CACNA1A: variants seen among roughly 807,000 people sequenced by gnomAD.
The protein encoded by CACNA1A is calcium voltage-gated channel subunit alpha1 A, also known as voltage-dependent P/Q-type calcium channel subunit alpha-1A.
CACNA1A carries 57 observed loss-of-function variants against 262.4 expected under a neutral mutation model. That is an observed-to-expected ratio of 0.22 (90% CI 0.18 to 0.27). The LOEUF is 0.27. CACNA1A is among the 10% of genes least tolerant of loss of function. CACNA1A has a pLI of 1.00. For synonymous variants in CACNA1A, 1,431 were observed against 1,419.3 expected (o/e 1.01, Z -0.18); for missense variants, 2,526 against 3,562.8 (o/e 0.71, Z 7.41).
At chr19:13,240,933 G>A (rs1174494705) in intron 31 of CACNA1A, among the ~76,000 whole-genome samples, 1 of 152,270 alleles carries the variant, frequency 6.6e-6, no homozygotes, top group African/African-American at 2.4e-5. Context: ...TGGCACTTCT[G>A]AGTTCCTCTG....
intron 6 of CACNA1A, among the ~76,000 whole-genome samples, chr19:13,356,629 G>C (rs534893582): frequency 6.6e-6 from 1 of 152,252 alleles, no homozygotes; most frequent in African/African-American, 2.4e-5. Context: ...GCTTTCTCTG[G>C]TCATCCAACC....
intron 3 of CACNA1A, among the ~76,000 whole-genome samples, chr19:13,406,466 TATATATATATATATATATATATA>T (rs2060006911): frequency 1.5e-4 from 1 of 6,712 alleles, no homozygotes; most frequent in African/African-American, 3.4e-4. Flanking sequence ...AAAAAAAAAT[TATATATATATATATATATATATA>T]TATATATATA....
At chr19:13,429,579 G>GC (rs1189347478) in intron 3 of CACNA1A, among the ~76,000 whole-genome samples, 2 of 149,680 alleles carry the variant, frequency 1.3e-5, no homozygotes, top group Non-Finnish European at 3.0e-5. Flanking sequence ...ACCTCTAAGG[G>GC]CCCCAGTGGG....
At chr19:13,362,895 G>A (rs2144509133) in intron 5 of CACNA1A, 1 of 152,554 alleles carries the variant, frequency 6.6e-6, no homozygotes, top group Non-Finnish European at 1.5e-5. Flanking sequence ...TCTATCTTTA[G>A]CAGCTTTGCA....
intron 1 of CACNA1A, among the ~76,000 whole-genome samples, chr19:13,463,317 G>A (rs1363345): frequency 0.41 from 62,930 of 151,870 alleles, 14,132 homozygotes; most frequent in East Asian, 0.85. Flanking sequence ...AATTATTCAT[G>A]ACTATTTCAA....
chr19:13,347,550 T>C (rs1023847497), intron 6 of CACNA1A, among the ~76,000 whole-genome samples: 2 of 152,198 alleles, frequency 1.3e-5, no homozygotes, highest in Non-Finnish European at 2.9e-5. Context: ...CCCACAGCCA[T>C]GCTCATTCAC....
At chr19:13,334,247 C>T in intron 8 of CACNA1A, 131 bp downstream of exon 8, 1 of 607,536 alleles carries the variant, frequency 1.6e-6, no homozygotes, top group East Asian at 2.7e-5. Context: ...AAATTTGGGA[C>T]TACCAATTCA....
chr19:13,387,389 C>T (rs1418860463), intron 3 of CACNA1A, among the ~76,000 whole-genome samples: 2 of 152,292 alleles, frequency 1.3e-5, no homozygotes, highest in African/African-American at 2.4e-5. Flanking sequence ...TTTTATGCTG[C>T]TTACCAGGGA....
intron 24 of CACNA1A, chr19:13,272,749 G>A (rs547360825): frequency 6.6e-6 from 1 of 152,096 alleles, no homozygotes; most frequent in Non-Finnish European, 1.5e-5. Flanking sequence ...GAAAGAAAAG[G>A]AGGGGAGAGG....
chr19:13,221,164 A>G (rs2055200951), intron 38 of CACNA1A, among the ~76,000 whole-genome samples: 1 of 142,240 alleles, frequency 7.0e-6, no homozygotes, highest in Non-Finnish European at 1.5e-5. Context: ...GTGTGGGACT[A>G]TCCACCTGCT....
intron 1 of CACNA1A, among the ~76,000 whole-genome samples, chr19:13,469,748 C>T (rs2061318575): frequency 1.3e-5 from 2 of 151,540 alleles, no homozygotes; most frequent in African/African-American, 2.4e-5. Context: ...TGTGGGCCAC[C>T]GCGCCCGGCT....
In CACNA1A at chr19:13,214,894, G is replaced by C; in HGVS notation, c.5732-286C>G. 1 of 450,940 alleles carries C rather than the reference G, an allele frequency of 2.2e-6. No homozygotes were observed. 27.9% of individuals were successfully genotyped at this position (450,940 alleles called of 1,614,324 possible). A position where few individuals can be genotyped will look rare whatever the true frequency, so the allele number is the denominator to read the frequency against. On this transcript the variant is annotated intron_variant, in intron 38 of 46. Transcript: ENST00000360228. The surrounding 1 kb of genome is among the most constrained non-coding windows in gnomAD (Gnocchi z 4.1). ...ACCTGGGTCCCAATCTTGTCTCCCAGTTATCGGCTGCATGACTTAGGTTAC... is the reference window on the plus strand; with the variant it reads ...ACCTGGGTCCCAATCTTGTCTCCCACTTATCGGCTGCATGACTTAGGTTAC...
intron 29 of CACNA1A, among the ~76,000 whole-genome samples, chr19:13,253,699 C>T (rs556082032): frequency 5.3e-5 from 8 of 152,012 alleles, no homozygotes; most frequent in Admixed American, 2.6e-4. Flanking sequence ...CCTCCTCGGC[C>T]TCCCAAAGTG....
At chr19:13,418,015 A>C (rs2060254112) in intron 3 of CACNA1A, among the ~76,000 whole-genome samples, 1 of 151,928 alleles carries the variant, frequency 6.6e-6, no homozygotes, top group African/African-American at 2.4e-5. Context: ...CGGTTAGCAC[A>C]GTAGATGCTC....
intron 3 of CACNA1A, among the ~76,000 whole-genome samples, chr19:13,413,305 A>C (rs1163860983): frequency 1.3e-5 from 2 of 150,982 alleles, no homozygotes; most frequent in African/African-American, 2.4e-5. Context: ...ATGGGGTTTC[A>C]CTGTGTTAGC....
chr19:13,395,126 T>A (rs2059786632), intron 3 of CACNA1A, among the ~76,000 whole-genome samples: 1 of 150,610 alleles, frequency 6.6e-6, no homozygotes, highest in South Asian at 2.1e-4. Context: ...ATACAAAAAT[T>A]AGCTGGGCAT....
At chr19:13,324,838 C>T (rs1290902192) in intron 10 of CACNA1A, among the ~76,000 whole-genome samples, 28 of 152,208 alleles carry the variant, frequency 1.8e-4, no homozygotes, top group Admixed American at 1.8e-3. Context: ...CATATCACTG[C>T]ACTCCAGCCT....
chr19:13,234,725 G>C, intron 34 of CACNA1A, 196 bp downstream of exon 34: 1 of 554,386 alleles, frequency 1.8e-6, no homozygotes. Context: ...AGAGAAGGCC[G>C]GCACGTCCCC....
intron 3 of CACNA1A, among the ~76,000 whole-genome samples, chr19:13,413,895 A>AAGAAAGAAAGAAAGAAAGAAAG (rs1183097814): frequency 8.4e-6 from 1 of 119,138 alleles, no homozygotes; most frequent in African/African-American, 4.1e-5. Flanking sequence ...GAAAGAAAGA[A>AAGAAAGAAAGAAAGAAAGAAAG]AAAGAAAGAA....
Sources: allele counts gnomAD v4.1 joint callset (sites outside exome capture counted in the v4.1 genomes callset), GRCh38; gene constraint gnomAD v4.1.1; non-coding constraint Gnocchi (gnomAD v3.1); transcripts MANE v1.5; gene names NCBI Gene and HGNC (gene_info 2026-07-23, HGNC 2026-07-21).